Variants in ABCA13 observed in about 807,000 individuals in gnomAD.
ABCA13 encodes ATP-binding cassette sub-family A member 13.
In ABCA13, 476 loss-of-function variants were observed where a neutral mutation model predicts 478.7. The ratio of observed to expected loss-of-function variants is 0.99; its 90% CI spans 0.92 to 1.07. The LOEUF (loss-of-function observed/expected upper bound fraction) is 1.07. ABCA13 is among the 50% of genes least tolerant of loss of function. ABCA13 has a pLI of 0.00. For missense variants in ABCA13, 6,060 were observed against 5,910.6 expected (o/e 1.03, Z -0.83); for synonymous variants, 2,252 against 2,158.9 (o/e 1.04, Z -1.20).
chr7:48,543,985 A>T (rs1784585049), intron 55 of ABCA13, among the ~76,000 whole-genome samples: 1 of 151,770 alleles, frequency 6.6e-6, no homozygotes, highest in East Asian at 1.9e-4. Context: ...TTAAATGAAA[A>T]TATATTTATT....
At chr7:48,543,348 G>A (rs1295270124) in intron 55 of ABCA13, among the ~76,000 whole-genome samples, 1 of 151,818 alleles carries the variant, frequency 6.6e-6, no homozygotes, top group Non-Finnish European at 1.5e-5. Flanking sequence ...GGCTAGCTGG[G>A]CACGGTGGCT....
Position 48,279,782 on chromosome 7 carries a change from C to A in ABCA13, c.8588C>A (p.Ser2863Ter). 1 of 1,606,208 alleles carries A rather than the reference C, an allele frequency of 6.2e-7. No individual in the cohort carries two copies. Among genetic ancestry groups the A allele is most frequent in the South Asian group, 1.1e-5 (1 of 88,988 alleles). Reference protein sequence around the residue: ...IKATTGKNVTSEKEERTKKEM... With the variant: ...IKATTGKNVT ...GCAACCACCGGAAAGAATGTCACATCAGAAAAAGAAGAGAGAACCAAGAAA... is the reference window on the plus strand; with the variant it reads ...GCAACCACCGGAAAGAATGTCACATAAGAAAAAGAAGAGAGAACCAAGAAA... Residue 2863 changes from serine (S) to a stop codon, truncating the protein, a stop_gained, in exon 18 of 62, where the codon TCA becomes TAA. Transcript: ENST00000435803. LOFTEE classifies it high-confidence loss of function.
At chr7:48,339,101 G>A (rs1252083402) in intron 29 of ABCA13, among the ~76,000 whole-genome samples, 5 of 152,156 alleles carry the variant, frequency 3.3e-5, no homozygotes, top group African/African-American at 4.8e-5. Flanking sequence ...GTGGGGACCT[G>A]GAGTCAGAGG....
intron 29 of ABCA13, among the ~76,000 whole-genome samples, chr7:48,348,551 C>T (rs1039213549): frequency 8.5e-5 from 13 of 152,282 alleles, no homozygotes; most frequent in African/African-American, 2.4e-4. Flanking sequence ...TTCAGTTTGA[C>T]GGTCTTAACT....
intron 59 of ABCA13, among the ~76,000 whole-genome samples, chr7:48,618,214 A>G (rs981103705): frequency 2.0e-5 from 3 of 152,138 alleles, no homozygotes; most frequent in Admixed American, 1.3e-4. Context: ...TCAGCCCCGT[A>G]AACCCATGCC....
chr7:48,616,160 C>T (rs1454971833), intron 59 of ABCA13, among the ~76,000 whole-genome samples: 1 of 152,066 alleles, frequency 6.6e-6, no homozygotes, highest in Non-Finnish European at 1.5e-5. Flanking sequence ...GATTCTCAAG[C>T]AGAGATTTGG....
intron 41 of ABCA13, among the ~76,000 whole-genome samples, chr7:48,418,490 A>G (rs193059919): frequency 1.8e-4 from 27 of 152,258 alleles, no homozygotes; most frequent in Non-Finnish European, 4.4e-5. Context: ...ATATTCTTTA[A>G]TGAGGTGTCT....
intron 11 of ABCA13, 83 bp downstream of exon 11, chr7:48,244,786 G>C: frequency 1.4e-6 from 2 of 1,478,926 alleles, no homozygotes; most frequent in East Asian, 4.6e-5. Context: ...GAAACTGCCT[G>C]ACACATTGTA....
intron 28 of ABCA13, 45 bp from the exon 29 acceptor site, chr7:48,338,320 G>T: frequency 7.4e-7 from 1 of 1,347,698 alleles, no homozygotes; most frequent in South Asian, 1.4e-5. Context: ...TCAATAATAC[G>T]AAATAATGCA....
chr7:48,307,272 G>A (rs1445713576), intron 23 of ABCA13, among the ~76,000 whole-genome samples: 2 of 152,198 alleles, frequency 1.3e-5, no homozygotes, highest in African/African-American at 2.4e-5. Flanking sequence ...ATATGGTATG[G>A]CCTGTTGCTC....
chr7:48,309,931 C>G lies in ABCA13; in HGVS notation c.9322-16C>G. On this transcript the variant is annotated splice_polypyrimidine_tract_variant and intron_variant, in intron 23 of 61. Coordinates refer to ENST00000435803, the MANE Select transcript of ABCA13 (RefSeq NM_152701.5). ...TCATAGGTATACTCACCTCTAATCT[C>G]TGTGCTTTGAAACAGGTTCTCTTCA... 2 of 1,613,748 alleles carry G rather than the reference C, an allele frequency of 1.2e-6. No homozygotes were observed. The highest frequency in any genetic ancestry group is 1.7e-6 in the Non-Finnish European group (2 of 1,179,688).
At chr7:48,589,751 A>G (rs931550911) in intron 57 of ABCA13, among the ~76,000 whole-genome samples, 1 of 152,192 alleles carries the variant, frequency 6.6e-6, no homozygotes, top group Non-Finnish European at 1.5e-5. Context: ...TGCCAGGTCC[A>G]GGTGTCTGCT....
In ABCA13 at chr7:48,562,660, A is replaced by G. The variant is rs140679567; in HGVS notation, c.14355-17564A>G. ...GTGACATGTTAATAAGCAACAGAGA[A>G]CATGAAAAAGGAACCACTGGGGGAC... is the stretch of plus-strand genomic sequence containing the variant. On this transcript the variant is annotated intron_variant, in intron 55 of 61. Coordinates refer to ENST00000435803, the MANE Select transcript of ABCA13 (RefSeq NM_152701.5). 6.6e-5 allele frequency among the ~76,000 whole-genome samples: 10 copies of G among 152,282 alleles called. No individual in the cohort carries two copies. In the East Asian group the frequency reaches 1.9e-3, roughly 29 times the overall value.
chr7:48,322,190 G>A (rs576268895), intron 27 of ABCA13, among the ~76,000 whole-genome samples: 1 of 152,338 alleles, frequency 6.6e-6, no homozygotes, highest in South Asian at 2.1e-4. Context: ...AGGAAACAGA[G>A]CAGGTCCCAT....
At chr7:48,642,226 G>C (rs970657143) in intron 59 of ABCA13, among the ~76,000 whole-genome samples, 2 of 152,080 alleles carry the variant, frequency 1.3e-5, no homozygotes, top group Non-Finnish European at 2.9e-5. Flanking sequence ...GCTCACAAGG[G>C]TGATCTATGT....
intron 48 of ABCA13, among the ~76,000 whole-genome samples, chr7:48,502,419 C>T (rs534397978): frequency 2.0e-5 from 3 of 152,264 alleles, no homozygotes; most frequent in Non-Finnish European, 2.9e-5. Context: ...GGTATTTATG[C>T]GACTTGATCA....
At chr7:48,265,686 A>G (rs1794777762) in intron 15 of ABCA13, among the ~76,000 whole-genome samples, 1 of 151,520 alleles carries the variant, frequency 6.6e-6, no homozygotes, top group Admixed American at 6.6e-5. Flanking sequence ...ATTTCATCAG[A>G]TTGTCTATAA....
chr7:48,271,813 T>C lies in ABCA13; in HGVS notation c.2147T>C (p.Leu716Pro). 1 of 1,539,346 alleles carries C rather than the reference T, an allele frequency of 6.5e-7. No homozygotes were observed. The highest frequency in any genetic ancestry group is 1.3e-5 in the South Asian group (1 of 79,498). The change falls in exon 17 of 62, where the codon CTA becomes CCA. Residue 716 changes from leucine to proline, a missense_variant. Coordinates refer to ENST00000435803, the MANE Select transcript of ABCA13 (RefSeq NM_152701.5). ...GCTTTAAATTTCACAAAGCACCTTC[T>C]AATGATGGAAAAGAAGTTGCACACC... ...SRALNFTKHL[L>P]MMEKKLHTLE...
At chr7:48,360,997 G>A (rs1294784804) in intron 31 of ABCA13, among the ~76,000 whole-genome samples, 1 of 151,656 alleles carries the variant, frequency 6.6e-6, no homozygotes, top group Admixed American at 6.6e-5. Context: ...TTGGGAGGGT[G>A]AGAGGGGAGA....
Sources: allele counts gnomAD v4.1 joint callset (sites outside exome capture counted in the v4.1 genomes callset), GRCh38; gene constraint gnomAD v4.1.1; transcripts MANE v1.5; gene names NCBI Gene and HGNC (gene_info 2026-07-23, HGNC 2026-07-21).